The following WWC1 variants were observed in gnomAD, a reference collection of about 807,000 sequenced individuals.
The protein encoded by WWC1 is WW and C2 domain containing 1.
Under a neutral mutation model 138.4 loss-of-function variants are expected in WWC1, and 55 were observed. That is an observed-to-expected ratio of 0.40 (90% CI 0.32 to 0.50). WWC1 has a LOEUF of 0.50. Among genes scored for constraint, WWC1 ranks in the 20% least tolerant of loss-of-function variants. The pLI is 0.72. For missense variants in WWC1, 1,226 were observed against 1,420.4 expected, an observed-to-expected ratio of 0.86 and a Z score of 2.20; for synonymous variants, 524 against 564.9, an observed-to-expected ratio of 0.93 and a Z score of 1.03.
At chr5:168,397,538 A>T (rs1291419055) in intron 3 of WWC1, among the ~76,000 whole-genome samples, 186 bp from the exon 4 acceptor site, 1 of 152,028 alleles carries the variant, frequency 6.6e-6, no homozygotes, top group African/African-American at 2.4e-5. Context: ...CTTCATCCTC[A>T]TTTTAAGTTG....
At chr5:168,465,685 G>C (rs1195429456) in intron 21 of WWC1, among the ~76,000 whole-genome samples, 1 of 150,240 alleles carries the variant, frequency 6.7e-6, no homozygotes, top group Non-Finnish European at 1.5e-5. Context: ...AGCCTCCTGA[G>C]TAACTGTGTT....
chr5:168,441,087 A>G (rs1754706942), intron 15 of WWC1, among the ~76,000 whole-genome samples: 1 of 152,208 alleles, frequency 6.6e-6, no homozygotes, highest in South Asian at 2.1e-4. Context: ...TAACAGCAAC[A>G]AAAAAGGAAT....
At chr5:168,351,997 C>T (rs781428277) in intron 1 of WWC1, among the ~76,000 whole-genome samples, 3 of 152,150 alleles carry the variant, frequency 2.0e-5, no homozygotes, top group Admixed American at 6.5e-5. Flanking sequence ...CAGCAGATTC[C>T]GATCTCAGAG....
rs893845474 is a variant in WWC1, at chr5:168,301,890, C to T, written c.119+9619C>T. Reference sequence around the variant, plus strand: ...CTTGCCAACTCAGGTCTCTTCCTGGCGGGCCATGGCTCACCTGAGCCACAC... The same window carrying T: ...CTTGCCAACTCAGGTCTCTTCCTGGTGGGCCATGGCTCACCTGAGCCACAC... On this transcript the variant is annotated intron_variant, in intron 1 of 22. Coordinates refer to ENST00000265293, the MANE Select transcript of WWC1 (RefSeq NM_015238.3). Among the ~76,000 whole-genome samples the T allele has an allele frequency of 5.3e-5, 8 of 152,262 alleles. No homozygotes were observed. The South Asian group carries it at 6.2e-4, about 12-fold the overall frequency.
chr5:168,301,738 G>C (rs1178261186), intron 1 of WWC1, among the ~76,000 whole-genome samples: 1 of 152,088 alleles, frequency 6.6e-6, no homozygotes, highest in African/African-American at 2.4e-5. Flanking sequence ...GTCATGGTGA[G>C]GATATGACAT....
chr5:168,325,427 G>T (rs368183593), intron 1 of WWC1, among the ~76,000 whole-genome samples: 4 of 152,178 alleles, frequency 2.6e-5, no homozygotes, highest in African/African-American at 7.2e-5. Context: ...GGCAGTGTCC[G>T]CCCTCAGGCT....
intron 21 of WWC1, among the ~76,000 whole-genome samples, chr5:168,466,694 C>T (rs1201749940): frequency 2.0e-5 from 3 of 152,076 alleles, no homozygotes; most frequent in African/African-American, 7.2e-5. Flanking sequence ...AATTGGAAGG[C>T]TTGAAGGAGG....
At chr5:168,325,868 C>T (rs542452914) in intron 1 of WWC1, among the ~76,000 whole-genome samples, 1 of 152,144 alleles carries the variant, frequency 6.6e-6, no homozygotes, top group East Asian at 1.9e-4. Flanking sequence ...AGTTTGACTA[C>T]TCTAGATACC....
In WWC1 at chr5:168,467,897, G is replaced by A. The variant is rs764891388; in HGVS notation, c.3208G>A (p.Ala1070Thr). Residue 1070 changes from alanine to threonine, a missense_variant, in exon 22 of 23, where the codon GCT (alanine) becomes ACT (threonine). By Grantham distance (58) the Ala-to-Thr change is moderately conservative. Coordinates refer to ENST00000265293, the MANE Select transcript of WWC1 (RefSeq NM_015238.3). The stretch of plus-strand genomic sequence containing the variant: ...TCAGACAGACAAGATGATGAGGGCA[G>A]CTGCCAAGGATGTGCACAGGCTCCG... ...ELQTDKMMRA[A>T]AKDVHRLRGQ... 2.5e-6 allele frequency: 4 copies of A among 1,614,122 alleles called. No individual in the cohort carries two copies. The highest frequency in any genetic ancestry group is 2.7e-5 in the African/African-American group (2 of 74,942).
chr5:168,357,303 T>TACACACACAC (rs3083619), intron 1 of WWC1, among the ~76,000 whole-genome samples: 44 of 145,232 alleles, frequency 3.0e-4, no homozygotes, highest in African/African-American at 1.0e-3. Flanking sequence ...CTTTCTCTCT[T>TACACACACAC]ACACACACAC....
chr5:168,301,835 C>T (rs11744438), intron 1 of WWC1, among the ~76,000 whole-genome samples: 154 of 152,252 alleles, frequency 1.0e-3, no homozygotes, highest in Middle Eastern at 3.4e-3. Context: ...GCATTGGTAA[C>T]GGTAGAGGAA....
rs889913158 is a variant in WWC1, at chr5:168,469,331, G to A, written c.*314G>A. 15 of 325,184 alleles carry A rather than the reference G, an allele frequency of 4.6e-5. No homozygotes were observed. In the Admixed American group the frequency reaches 6.6e-4, roughly 14 times the overall value. The allele number at this position is 325,184 out of a possible 1,614,324, so 20.1% of individuals were successfully genotyped here. A position where few individuals can be genotyped will look rare whatever the true frequency, so the allele number is the denominator to read the frequency against. On this transcript the variant is annotated 3_prime_UTR_variant, in exon 23 of 23. Transcript: ENST00000265293. ...AAATGAACTAAAGCAGTATTGAGTT[G>A]CTGCTCTTCTTAAAATCGTTTAGAT... is the stretch of plus-strand genomic sequence containing the variant.
At position 168,371,472 on chromosome 5, in the gene WWC1, G is replaced by A. The variant is rs762733980; in HGVS notation, c.168G>A (p.Pro56=). ...CTGACTGCATTAGTGATGAGTTGCC[G>A]CTAGGATGGGAAGAGGCATATGACC... ...TFADCISDEL[P]LGWEEAYDPQ... is the part of the protein sequence containing the mutation. The change falls in exon 2 of 23, where the codon CCG becomes CCA. Residue 56 remains proline, a synonymous_variant. Coordinates refer to ENST00000265293, the MANE Select transcript of WWC1 (RefSeq NM_015238.3). The A allele has an allele frequency of 1.2e-5, 19 of 1,613,902 alleles. No homozygotes were observed. The highest frequency in any genetic ancestry group is 4.4e-5 in the South Asian group (4 of 91,076).
rs1769086283 is a variant in WWC1, at chr5:168,292,005, G to A, written c.-148G>A. On this transcript the variant is annotated 5_prime_UTR_variant, in exon 1 of 23. Coordinates refer to ENST00000265293, the MANE Select transcript of WWC1 (RefSeq NM_015238.3). The surrounding 1 kb of genome is among the most constrained non-coding windows in gnomAD (Gnocchi z 4.4). ...ATGGACAGCGGCGCCACCCCGGCCG[G>A]CCCCTACTAGGGCCCCCCATCTGCG... 6 of 907,538 alleles carry A rather than the reference G, an allele frequency of 6.6e-6. No homozygotes were observed. In the South Asian group the frequency reaches 8.9e-5, roughly 14 times the overall value. 56.2% of individuals were successfully genotyped at this position (907,538 alleles called of 1,614,324 possible).
At chr5:168,324,492 A>G (rs1772372491) in intron 1 of WWC1, among the ~76,000 whole-genome samples, 1 of 152,216 alleles carries the variant, frequency 6.6e-6, no homozygotes, top group African/African-American at 2.4e-5. Context: ...GGAAACTTAG[A>G]TCTACGTGAG....
chr5:168,383,596 G>A (rs1016686777), intron 2 of WWC1, among the ~76,000 whole-genome samples: 7 of 152,174 alleles, frequency 4.6e-5, no homozygotes, highest in African/African-American at 1.7e-4. Context: ...TGACAGATGG[G>A]GTGCTGGGAT....
intron 14 of WWC1, among the ~76,000 whole-genome samples, chr5:168,430,679 C>T (rs576709937): frequency 2.2e-4 from 33 of 152,186 alleles, no homozygotes; most frequent in African/African-American, 6.3e-4. Context: ...GGTGTGACTG[C>T]GTGTTACCTT....
At chr5:168,405,524 G>A (rs912669323) in intron 5 of WWC1, among the ~76,000 whole-genome samples, 1 of 152,094 alleles carries the variant, frequency 6.6e-6, no homozygotes, top group Non-Finnish European at 1.5e-5. Flanking sequence ...ACAATGTAAC[G>A]ACTGCAGAGT....
chr5:168,428,232 T>G (rs1386600428), intron 12 of WWC1, 91 bp downstream of exon 12: 2 of 1,339,512 alleles, frequency 1.5e-6, no homozygotes, highest in African/African-American at 2.9e-5. Context: ...GCTTAGGTTT[T>G]GGCCCCCACA....
Sources: gnomAD v4.1 joint callset for allele counts (sites outside exome capture counted in the v4.1 genomes callset) on GRCh38, gnomAD v4.1.1 for gene constraint, Gnocchi (gnomAD v3.1) non-coding constraint, MANE v1.5 for transcripts, NCBI Gene and HGNC (gene_info 2026-07-23, HGNC 2026-07-21) for gene names.